SDSL: variants seen among roughly 807,000 people sequenced by gnomAD.
SDSL encodes serine dehydratase like.
SDSL carries 26 observed loss-of-function variants against 27.6 expected under a neutral mutation model. The observed-to-expected ratio is 0.94, with a 90% CI of 0.69 to 1.31. The LOEUF is 1.31. Among genes scored for constraint, SDSL ranks in the 50% most tolerant of loss-of-function variants. The pLI, the probability that SDSL is intolerant of heterozygous loss-of-function variation, is 0.00. For missense variants in SDSL, 431 were observed against 423.5 expected (o/e 1.02, Z -0.16); for synonymous variants, 196 against 180.6 (o/e 1.09, Z -0.69).
At chr12:113,432,274 T>TTCTCTC (rs1172308401) in intron 4 of SDSL, among the ~76,000 whole-genome samples, 15 of 89,360 alleles carry the variant, frequency 1.7e-4, no homozygotes, top group African/African-American at 6.2e-4. Context: ...CTTTCTTTCT[T>TTCTCTC]TCTTTCTTTC....
chr12:113,433,030 T>A (rs1957953662), intron 4 of SDSL, among the ~76,000 whole-genome samples: 1 of 152,240 alleles, frequency 6.6e-6, no homozygotes, highest in East Asian at 1.9e-4. Flanking sequence ...GGGTAGATAC[T>A]CAGTAATGGG....
intron 4 of SDSL, among the ~76,000 whole-genome samples, chr12:113,432,271 T>C (rs1351145084): frequency 7.1e-6 from 1 of 141,022 alleles, no homozygotes; most frequent in African/African-American, 2.8e-5. Context: ...TTTCTTTCTT[T>C]CTTTCTTTCT....
chr12:113,436,450 G>A (rs1490706396), intron 6 of SDSL, among the ~76,000 whole-genome samples: 1 of 151,984 alleles, frequency 6.6e-6, no homozygotes, highest in Non-Finnish European at 1.5e-5. Context: ...CACCACACCC[G>A]GATAATTTTG....
chr12:113,428,027 C>A lies in SDSL; in HGVS notation c.45C>A (p.His15Gln). The change falls in exon 2 of 8, where the codon CAC (histidine) becomes CAA (glutamine). Residue 15 changes from histidine to glutamine, a missense_variant. Transcript: ENST00000403593. ...AGCATGCCAAGCAGGAGCCCTTTCA[C>A]GTGGTCACACCTCTGTTGGAGAGCT... ...VAEHAKQEPF[H>Q]VVTPLLESWA... The A allele has an allele frequency of 1.2e-6, 2 of 1,613,738 alleles. No homozygotes were observed. Among genetic ancestry groups the A allele is most frequent in the African/African-American group, 1.3e-5 (1 of 75,050 alleles).
rs762712973 is a variant in SDSL, at chr12:113,435,561, G to A, written c.671+5G>A. Reference sequence around the variant, plus strand: ...CACACTTCCAGACATCACCAGGTGGGTAAGGGCTGGGGACATTTGTAGGGG... The same window carrying A: ...CACACTTCCAGACATCACCAGGTGGATAAGGGCTGGGGACATTTGTAGGGG... On this transcript the variant is annotated splice_donor_5th_base_variant and intron_variant, in intron 6 of 7. Coordinates refer to ENST00000403593, the MANE Select transcript of SDSL (RefSeq NM_001304993.2). 1.9e-6 allele frequency: 3 copies of A among 1,610,656 alleles called. No individual in the cohort carries two copies. The highest frequency in any genetic ancestry group is 1.3e-5 in the African/African-American group (1 of 74,900).
rs1369732190 is a variant in SDSL at position 113,436,982 on chromosome 12, C to T, written c.796+107C>T. 8.4e-7 allele frequency: 1 copy of T among 1,195,862 alleles called. No individual in the cohort carries two copies. The highest frequency in any genetic ancestry group is 1.6e-5 in the African/African-American group (1 of 63,878). The allele number at this position is 1,195,862 out of a possible 1,614,324, so 74.1% of individuals were successfully genotyped here. On this transcript the variant is annotated intron_variant, in intron 7 of 7. Coordinates refer to ENST00000403593, the MANE Select transcript of SDSL (RefSeq NM_001304993.2). The stretch of plus-strand genomic sequence containing the variant: ...CTGTATCCTCAGCACCAGGCACTGG[C>T]TAGGTGTGCAGTTACTGTGCACTAA...
intron 4 of SDSL, among the ~76,000 whole-genome samples, chr12:113,430,681 T>C (rs536210341): frequency 6.6e-6 from 1 of 152,280 alleles, no homozygotes; most frequent in East Asian, 1.9e-4. Context: ...GTCACACAGC[T>C]GAGACCAACA....
chr12:113,425,495 T>G (rs1042961772), intron 1 of SDSL, among the ~76,000 whole-genome samples: 1 of 152,008 alleles, frequency 6.6e-6, no homozygotes, highest in Non-Finnish European at 1.5e-5. Flanking sequence ...GGTTTGTGAG[T>G]GGGCAGGGGA....
rs1249531853 is a variant in SDSL, at chr12:113,429,208, T to C, written c.263T>C (p.Ile88Thr). 2 of 1,613,882 alleles carry C rather than the reference T, an allele frequency of 1.2e-6. No individual in the cohort carries two copies. Among genetic ancestry groups the C allele is most frequent in the Admixed American group, 3.3e-5 (2 of 60,014 alleles). Residue 88 changes from isoleucine (I) to threonine (T), a missense_variant, in exon 4 of 8, where the codon ATT (isoleucine) becomes ACT (threonine). Physicochemically the swap from Ile to Thr is moderately conservative, Grantham distance 89. Coordinates refer to ENST00000403593, the MANE Select transcript of SDSL (RefSeq NM_001304993.2). ...AAAYAARKLG[I>T]PATIVLPEST... Reference sequence around the variant, plus strand: ...GCCTATGCTGCTAGGAAGCTGGGCATTCCTGCCACCATCGTGCTCCCCGAG... The same window carrying C: ...GCCTATGCTGCTAGGAAGCTGGGCACTCCTGCCACCATCGTGCTCCCCGAG...
chr12:113,438,092 T>C lies in SDSL; in HGVS notation c.*13T>C, dbSNP rs1184970933. ...GGGCCAGGTCTGAGGGGTCCCATCC[T>C]GGCCCCAAAGACCCCTGAGAGGCCC... On this transcript the variant is annotated 3_prime_UTR_variant, in exon 8 of 8. Coordinates refer to ENST00000403593, the MANE Select transcript of SDSL (RefSeq NM_001304993.2). 1.2e-6 allele frequency: 2 copies of C among 1,607,886 alleles called. No individual in the cohort carries two copies. Among genetic ancestry groups the C allele is most frequent in the South Asian group, 2.2e-5 (2 of 90,442 alleles).
At chr12:113,426,165 C>A (rs1172411986) in intron 1 of SDSL, 8 of 455,892 alleles carry the variant, frequency 1.8e-5, no homozygotes, top group Non-Finnish European at 3.5e-5. Flanking sequence ...GCCCCAAACC[C>A]CTTCTGTCTG....
chr12:113,432,270 T>TTCTTTCTTTCTTTCTTTCTCTC (rs1957939604), intron 4 of SDSL, among the ~76,000 whole-genome samples: 1 of 116,332 alleles, frequency 8.6e-6, no homozygotes, highest in African/African-American at 3.2e-5. Context: ...CTTTCTTTCT[T>TTCTTTCTTTCTTTCTTTCTCTC]TCTTTCTTTC....
chr12:113,426,112 C>T (rs1413489452), intron 1 of SDSL: 1 of 452,858 alleles, frequency 2.2e-6, no homozygotes, highest in Admixed American at 2.4e-5. Context: ...CCTGCTGGCA[C>T]CCTTGTCCAC....
At chr12:113,429,553 C>A (rs928699376) in intron 4 of SDSL, among the ~76,000 whole-genome samples, 8 of 152,182 alleles carry the variant, frequency 5.3e-5, no homozygotes, top group African/African-American at 1.9e-4. Context: ...TGACGATGAA[C>A]AGGAGACTGT....
At chr12:113,426,614 A>G (rs2136949642) in intron 1 of SDSL, among the ~76,000 whole-genome samples, 1 of 152,328 alleles carries the variant, frequency 6.6e-6, no homozygotes, top group South Asian at 2.1e-4. Context: ...ATGTATGTAC[A>G]GTCATGAAAC....
intron 3 of SDSL, 125 bp downstream of exon 3, chr12:113,428,584 T>C: frequency 1.3e-6 from 1 of 748,760 alleles, no homozygotes; most frequent in Non-Finnish European, 2.2e-6. Flanking sequence ...ATTGATGAGA[T>C]GACTACTGTG....
chr12:113,428,604 TC>T, intron 3 of SDSL, 145 bp downstream of exon 3: 1 of 657,704 alleles, frequency 1.5e-6, no homozygotes, highest in Non-Finnish European at 2.6e-6. Flanking sequence ...GTACATCCCA[TC>T]CTAGCCTTCT....
chr12:113,432,042 G>T (rs1957928503), intron 4 of SDSL, among the ~76,000 whole-genome samples: 1 of 150,570 alleles, frequency 6.6e-6, no homozygotes, highest in African/African-American at 2.4e-5. Context: ...GGCGTAAACT[G>T]CTGCGCCCAG....
intron 6 of SDSL, 64 bp downstream of exon 6, chr12:113,435,620 T>C: frequency 7.2e-7 from 1 of 1,380,570 alleles, no homozygotes; most frequent in Non-Finnish European, 1.0e-6. Context: ...CCTAGGGCCT[T>C]CCAGTCCCAG....
Sources: gnomAD v4.1 joint callset for allele counts (sites outside exome capture counted in the v4.1 genomes callset) on GRCh38, gnomAD v4.1.1 for gene constraint, MANE v1.5 for transcripts, NCBI Gene and HGNC (gene_info 2026-07-23, HGNC 2026-07-21) for gene names.